The following PALM2AKAP2 variants were observed in gnomAD, a reference collection of about 807,000 sequenced individuals.
PALM2AKAP2 encodes PALM2 and AKAP2 fusion, also known as PALM2-AKAP2 fusion protein.
PALM2AKAP2 carries 37 observed loss-of-function variants against 71.5 expected under a neutral mutation model. That is an observed-to-expected ratio of 0.52 (90% CI 0.40 to 0.68). The LOEUF (loss-of-function observed/expected upper bound fraction) is 0.68. Ranked by LOEUF, PALM2AKAP2 falls within the 30% of genes least tolerant of loss-of-function variation. The pLI, the probability that PALM2AKAP2 is intolerant of heterozygous loss-of-function variation, is 0.00. For missense variants in PALM2AKAP2, 1,224 were observed against 1,191.8 expected (o/e 1.03, Z -0.40); for synonymous variants, 468 against 478.8 (o/e 0.98, Z 0.29).
intron 1 of PALM2AKAP2, among the ~76,000 whole-genome samples, chr9:109,642,624 C>T (rs1238229887): frequency 6.6e-6 from 1 of 151,686 alleles, no homozygotes; most frequent in East Asian, 2.0e-4. Flanking sequence ...ATGGCGCTAT[C>T]ATGGCTCACT....
At chr9:110,132,705 C>T (rs562155615) in intron 1 of PALM2AKAP2, among the ~76,000 whole-genome samples, 6 of 152,094 alleles carry the variant, frequency 3.9e-5, no homozygotes, top group African/African-American at 1.4e-4. Flanking sequence ...AACCTCCGCT[C>T]TCCAGGTTGA....
At chr9:109,745,460 T>C (rs1431654588) in intron 1 of PALM2AKAP2, among the ~76,000 whole-genome samples, 2 of 152,020 alleles carry the variant, frequency 1.3e-5, no homozygotes, top group African/African-American at 4.8e-5. Flanking sequence ...TCTTCTCTGA[T>C]CTCTTAAGTC....
At chr9:110,067,433 G>C (rs900162790) in intron 1 of PALM2AKAP2, among the ~76,000 whole-genome samples, 1 of 152,174 alleles carries the variant, frequency 6.6e-6, no homozygotes, top group Non-Finnish European at 1.5e-5. Flanking sequence ...ATTCCTGTTT[G>C]GCTGCTGCTT....
chr9:109,780,268 G>A (rs1000563765), upstream of PALM2AKAP2: 1 of 1,188,300 alleles, frequency 8.4e-7, no homozygotes, highest in Non-Finnish European at 1.0e-6. Flanking sequence ...CGGCGCTGGG[G>A]CGCAGCCAGG....
At chr9:109,892,226 G>T (rs1412198300) in intron 3 of PALM2AKAP2, among the ~76,000 whole-genome samples, 1 of 152,166 alleles carries the variant, frequency 6.6e-6, no homozygotes, top group Non-Finnish European at 1.5e-5. Context: ...TCTCAGCTTA[G>T]TGGGTCCAGA....
intron 1 of PALM2AKAP2, among the ~76,000 whole-genome samples, chr9:110,084,866 G>A (rs1834530265): frequency 6.6e-6 from 1 of 151,946 alleles, no homozygotes. Context: ...CTCCCGAGTA[G>A]CTGGGACTAC....
At chr9:109,676,342 A>T (rs923881707) in intron 1 of PALM2AKAP2, among the ~76,000 whole-genome samples, 1 of 152,236 alleles carries the variant, frequency 6.6e-6, no homozygotes, top group African/African-American at 2.4e-5. Context: ...TAATGAGAAA[A>T]GTAGTCCAGG....
At chr9:109,872,774 C>T (rs1204877063) in intron 2 of PALM2AKAP2, among the ~76,000 whole-genome samples, 2 of 152,118 alleles carry the variant, frequency 1.3e-5, no homozygotes, top group African/African-American at 2.4e-5. Context: ...GTGTCTTTCC[C>T]GGTTTTGAAC....
upstream of PALM2AKAP2, among the ~76,000 whole-genome samples, chr9:109,780,008 G>A (rs183944062): frequency 2.2e-3 from 332 of 151,760 alleles, no homozygotes; most frequent in Non-Finnish European, 4.2e-3. Context: ...CTCGCCGTGC[G>A]CCCGCGCCCC....
intron 1 of PALM2AKAP2, among the ~76,000 whole-genome samples, chr9:109,703,615 A>G (rs1168588947): frequency 6.6e-6 from 1 of 152,158 alleles, no homozygotes; most frequent in Non-Finnish European, 1.5e-5. Context: ...TTAATGACTA[A>G]TTTGGAATCA....
At chr9:109,709,836 C>T (rs888982264) in intron 1 of PALM2AKAP2, among the ~76,000 whole-genome samples, 1 of 152,106 alleles carries the variant, frequency 6.6e-6, no homozygotes, top group African/African-American at 2.4e-5. Flanking sequence ...CAACCTGTAG[C>T]GATTTGAATG....
chr9:109,763,628 C>T (rs1244215635), intron 1 of PALM2AKAP2, among the ~76,000 whole-genome samples: 1 of 152,176 alleles, frequency 6.6e-6, no homozygotes, highest in Non-Finnish European at 1.5e-5. Flanking sequence ...AATTCACTCT[C>T]TCATAGTTCT....
chr9:110,094,593 G>T (rs968122519), intron 1 of PALM2AKAP2, among the ~76,000 whole-genome samples: 11 of 151,962 alleles, frequency 7.2e-5, no homozygotes, highest in African/African-American at 2.7e-4. Flanking sequence ...AGGAAGAAAG[G>T]GAGTGGGGAG....
upstream of PALM2AKAP2, among the ~76,000 whole-genome samples, chr9:109,776,736 T>G (rs143721069): frequency 3.2e-4 from 49 of 152,240 alleles, no homozygotes; most frequent in East Asian, 8.7e-3. Flanking sequence ...GAAAAAAAAA[T>G]GTGTATATGA....
intron 3 of PALM2AKAP2, among the ~76,000 whole-genome samples, chr9:110,160,220 G>T (rs1486076717): frequency 2.0e-5 from 3 of 152,218 alleles, no homozygotes; most frequent in Non-Finnish European, 2.9e-5. Flanking sequence ...TAGGGGACTG[G>T]GCTTTAGTAC....
intron 3 of PALM2AKAP2, among the ~76,000 whole-genome samples, chr9:109,915,984 C>G (rs1156501997): frequency 6.6e-6 from 1 of 151,944 alleles, no homozygotes; most frequent in East Asian, 1.9e-4. Flanking sequence ...TGCACTGTCG[C>G]CCAGGCTAGA....
chr9:109,654,169 C>T (rs1827263344), intron 1 of PALM2AKAP2, among the ~76,000 whole-genome samples: 2 of 152,054 alleles, frequency 1.3e-5, no homozygotes, highest in South Asian at 4.1e-4. Flanking sequence ...CCTCATGTGG[C>T]TGTAAGCCAT....
At chr9:110,132,960 C>T (rs1468935885) in intron 1 of PALM2AKAP2, among the ~76,000 whole-genome samples, 1 of 152,168 alleles carries the variant, frequency 6.6e-6, no homozygotes, top group East Asian at 1.9e-4. Context: ...TCACAGAAGA[C>T]ATAACTACTT....
intron 1 of PALM2AKAP2, among the ~76,000 whole-genome samples, chr9:109,862,150 G>A (rs1829326990): frequency 6.6e-6 from 1 of 152,172 alleles, no homozygotes; most frequent in African/African-American, 2.4e-5. Context: ...CTGTGGGGAG[G>A]GAAGAGAAAG....
Sources: allele counts gnomAD v4.1 joint callset (sites outside exome capture counted in the v4.1 genomes callset), GRCh38; gene constraint gnomAD v4.1.1; transcripts MANE v1.5; gene names NCBI Gene and HGNC (gene_info 2026-07-23, HGNC 2026-07-21).